The following TBC1D21 variants were observed in gnomAD, a reference collection of about 807,000 sequenced individuals.
TBC1D21 encodes TBC1 domain family member 21, also known as male germ cell Rab GTPase-activating protein.
A neutral mutation model predicts 46.0 loss-of-function variants in TBC1D21; 38 were observed. The ratio of observed to expected loss-of-function variants is 0.83; its 90% CI spans 0.64 to 1.08. The LOEUF (loss-of-function observed/expected upper bound fraction) is 1.08. Among genes scored for constraint, TBC1D21 ranks in the 50% least tolerant of loss-of-function variants. The pLI, the probability that TBC1D21 is intolerant of heterozygous loss-of-function variation, is 0.00. For synonymous variants in TBC1D21, 151 were observed against 157.2 expected, an observed-to-expected ratio of 0.96 and a Z score of 0.29; for missense variants, 415 against 417.9, an observed-to-expected ratio of 0.99 and a Z score of 0.06.
chr15:73,877,204 C>G (rs2068082960), intron 1 of TBC1D21, among the ~76,000 whole-genome samples: 2 of 152,144 alleles, frequency 1.3e-5, no homozygotes, highest in Non-Finnish European at 2.9e-5. Flanking sequence ...CATTTATTTT[C>G]ATAATTAATT....
downstream of TBC1D21, among the ~76,000 whole-genome samples, chr15:73,891,898 C>T (rs1039960643): frequency 3.9e-5 from 6 of 152,190 alleles, no homozygotes; most frequent in Admixed American, 6.5e-5. Flanking sequence ...GCCTGGGCAC[C>T]GTGGATGGCA....
chr15:73,892,546 G>C (rs1213297469), downstream of TBC1D21, among the ~76,000 whole-genome samples: 2 of 152,188 alleles, frequency 1.3e-5, no homozygotes, highest in Non-Finnish European at 2.9e-5. Flanking sequence ...TGCTGTTTGT[G>C]GTACTCCTGG....
rs149758487 is a variant in TBC1D21 at position 73,879,720 on chromosome 15, T to C, written c.61-1679T>C. ...TATTCAGATGTATACTAATGGGAAG[T>C]TGGGAGTGTGTATATTTACATGTCT... On this transcript the variant is annotated intron_variant, in intron 1 of 10. Coordinates refer to ENST00000300504, the MANE Select transcript of TBC1D21 (RefSeq NM_153356.3). Among the ~76,000 whole-genome samples, 652 of 152,266 alleles carry C rather than the reference T, an allele frequency of 4.3e-3. 3 individuals are homozygous for C. Among genetic ancestry groups the C allele is most frequent in the African/African-American group, 0.015 (632 of 41,540 alleles).
chr15:73,886,266 C>A, intron 7 of TBC1D21, 92 bp downstream of exon 7: 1 of 1,141,524 alleles, frequency 8.8e-7, no homozygotes, highest in Non-Finnish European at 1.3e-6. Context: ...CATGGGGGGG[C>A]TGGAGAGCAG....
Position 73,886,566 on chromosome 15 carries a change from T to C in TBC1D21, c.731T>C (p.Phe244Ser). The change falls in exon 8 of 11, where the codon TTC becomes TCC. Residue 244 changes from phenylalanine to serine, a missense_variant. Coordinates refer to ENST00000300504, the MANE Select transcript of TBC1D21 (RefSeq NM_153356.3). Reference protein sequence around the residue: ...QSLFPWFCFCFQRAFKSFDDV... With the variant: ...QSLFPWFCFCSQRAFKSFDDV... ...CTCTTCCCCTGGTTCTGCTTCTGCT[T>C]CCAGCGTGCCTTCAAGTCCTTCGAT... 1 of 1,613,720 alleles carries C rather than the reference T, an allele frequency of 6.2e-7. No homozygotes were observed. The highest frequency in any genetic ancestry group is 8.5e-7 in the Non-Finnish European group (1 of 1,180,018).
intron 1 of TBC1D21, among the ~76,000 whole-genome samples, chr15:73,877,226 C>G (rs1423328262): frequency 6.6e-6 from 1 of 152,098 alleles, no homozygotes; most frequent in African/African-American, 2.4e-5. Context: ...CTTTGGGTTT[C>G]TATCATTTTT....
chr15:73,904,735 G>A, the TBC1D21 span, among the ~76,000 whole-genome samples: 59 of 152,224 alleles, frequency 3.9e-4, no homozygotes, highest in South Asian at 1.9e-3. Flanking sequence ...CATGGGACTG[G>A]GGGACAAAGG....
chr15:73,882,205 C>G lies in TBC1D21; in HGVS notation c.272+458C>G, dbSNP rs146131899. ...CGGTGCCCAGGGGAAGGTACAAAAC[C>G]CAGTATGGGCTGCCTGTGTCCTTAG... On this transcript the variant is annotated intron_variant, in intron 3 of 10. Coordinates refer to ENST00000300504, the MANE Select transcript of TBC1D21 (RefSeq NM_153356.3). 5.3e-5 allele frequency among the ~76,000 whole-genome samples: 8 copies of G among 152,278 alleles called. No individual in the cohort carries two copies. In the East Asian group the frequency reaches 1.5e-3, roughly 29 times the overall value.
chr15:73,887,586 C>A (rs2068271157), intron 8 of TBC1D21, 34 bp from the exon 9 acceptor site: 6 of 1,595,108 alleles, frequency 3.8e-6, no homozygotes, highest in African/African-American at 1.3e-5. Context: ...AGTCTCAGAC[C>A]ACAGGGCCCA....
intron 6 of TBC1D21, among the ~76,000 whole-genome samples, chr15:73,885,871 TACAG>T (rs1345558762): frequency 1.3e-5 from 2 of 151,068 alleles, no homozygotes; most frequent in East Asian, 1.9e-4. Flanking sequence ...GTACAACATA[TACAG>T]ACAAACTTGC....
chr15:73,886,127 T>C lies in TBC1D21; in HGVS notation c.629T>C (p.Leu210Pro). ...GGCGTGGCCAAGAACCTAGACATGCTCAGCACCCTGATCACCTTCCTGGAC... is the reference window on the plus strand; with the variant it reads ...GGCGTGGCCAAGAACCTAGACATGCCCAGCACCCTGATCACCTTCCTGGAC... Reference protein sequence around the residue: ...NIGVAKNLDMLSTLITFLDPV... With the variant: ...NIGVAKNLDMPSTLITFLDPV... The change falls in exon 7 of 11, where the codon CTC becomes CCC. Residue 210 changes from leucine to proline, a missense_variant. By Grantham distance (98) the Leu-to-Pro change is moderately conservative (BLOSUM62 -3). Coordinates refer to ENST00000300504, the MANE Select transcript of TBC1D21 (RefSeq NM_153356.3). The C allele has an allele frequency of 1.2e-6, 2 of 1,614,146 alleles. No individual in the cohort carries two copies. Among genetic ancestry groups the C allele is most frequent in the Non-Finnish European group, 1.7e-6 (2 of 1,180,026 alleles).
chr15:73,909,876 C>T, the TBC1D21 span: 1 of 152,348 alleles, frequency 6.6e-6, no homozygotes, highest in African/African-American at 2.4e-5. Flanking sequence ...AAAACAAGAA[C>T]CTGGTGGGGC....
At chr15:73,908,355 G>A in the TBC1D21 span, 1 of 152,324 alleles carries the variant, frequency 6.6e-6, no homozygotes, top group African/African-American at 2.4e-5. Context: ...ATGGCTGGAT[G>A]AAGCATGGGA....
In TBC1D21 at chr15:73,881,382, G is replaced by T. The variant is rs780301664; in HGVS notation, c.61-17G>T. The T allele has an allele frequency of 1.7e-4, 269 of 1,601,814 alleles. No homozygotes were observed. In the Middle Eastern group the frequency reaches 5.5e-3, roughly 33 times the overall value. On this transcript the variant is annotated splice_polypyrimidine_tract_variant and intron_variant, in intron 1 of 10. Coordinates refer to ENST00000300504, the MANE Select transcript of TBC1D21 (RefSeq NM_153356.3). ...AGCCTTCTAACATAAGGCAGAACTG[G>T]TTGCTGCTTTTGCCAGGTGAAGAGA... is the stretch of plus-strand genomic sequence containing the variant.
chr15:73,875,265 G>A (rs2068039354), intron 1 of TBC1D21, among the ~76,000 whole-genome samples: 1 of 114,444 alleles, frequency 8.7e-6, no homozygotes, highest in Non-Finnish European at 1.7e-5. Context: ...AAAAAAAGAA[G>A]AAGAAGAAGA....
At chr15:73,880,540 G>A (rs376343081) in intron 1 of TBC1D21, among the ~76,000 whole-genome samples, 10 of 152,298 alleles carry the variant, frequency 6.6e-5, no homozygotes, top group Admixed American at 3.3e-4. Context: ...GGAGGCTGAG[G>A]CAGGTGGATC....
At chr15:73,883,234 G>A (rs2068185573) in intron 3 of TBC1D21, among the ~76,000 whole-genome samples, 1 of 152,246 alleles carries the variant, frequency 6.6e-6, no homozygotes, top group African/African-American at 2.4e-5. Flanking sequence ...TGGGACGGGG[G>A]TGTGAGGGCT....
chr15:73,902,582 GGTGGCACCAC>G, the TBC1D21 span, among the ~76,000 whole-genome samples: 3 of 152,170 alleles, frequency 2.0e-5, no homozygotes, highest in African/African-American at 7.2e-5. Context: ...CATGCTCGAT[GGTGGCACCAC>G]TGGTGCCCAC....
In TBC1D21 at chr15:73,874,083, G is replaced by T. The variant is rs114066411; in HGVS notation, c.60+314G>T. Among the ~76,000 whole-genome samples, 201 of 152,250 alleles carry T rather than the reference G, an allele frequency of 1.3e-3. 1 individual carries two copies. Among genetic ancestry groups the T allele is most frequent in the African/African-American group, 4.7e-3 (197 of 41,538 alleles). ...ATCGGTGCTTTTTGCCAACAATTTT[G>T]GTATACTGCCACCAGGTGGCAGTAA... On this transcript the variant is annotated intron_variant, in intron 1 of 10. Transcript: ENST00000300504.
Sources: gnomAD v4.1 joint callset for allele counts (sites outside exome capture counted in the v4.1 genomes callset) on GRCh38, gnomAD v4.1.1 for gene constraint, MANE v1.5 for transcripts, NCBI Gene and HGNC (gene_info 2026-07-23, HGNC 2026-07-21) for gene names.